Variants in TAFA1 observed in about 807,000 individuals in gnomAD.
TAFA1 encodes TAFA chemokine like family member 1.
TAFA1 carries 4 observed loss-of-function variants against 18.5 expected under a neutral mutation model. The observed-to-expected ratio is 0.22, with a 90% CI of 0.11 to 0.49. The LOEUF is 0.49. Among genes scored for constraint, TAFA1 ranks in the 20% least tolerant of loss-of-function variants. TAFA1 has a pLI of 0.98. For missense variants in TAFA1, 147 were observed against 169.0 expected (o/e 0.87, Z 0.72); for synonymous variants, 56 against 55.2 (o/e 1.01, Z -0.06).
chr3:68,446,807 A>G (rs2071479689), intron 3 of TAFA1, among the ~76,000 whole-genome samples: 1 of 152,202 alleles, frequency 6.6e-6, no homozygotes, highest in Non-Finnish European at 1.5e-5. Flanking sequence ...ACTGAAACAA[A>G]GTGTCTATGG....
intron 3 of TAFA1, among the ~76,000 whole-genome samples, chr3:68,434,335 A>G (rs2071232826): frequency 6.6e-6 from 1 of 152,106 alleles, no homozygotes; most frequent in Admixed American, 6.6e-5. Context: ...GTCTAAATAC[A>G]GCCTCTTCTA....
chr3:68,390,177 G>C (rs182650529), intron 2 of TAFA1, among the ~76,000 whole-genome samples: 1 of 152,088 alleles, frequency 6.6e-6, no homozygotes, highest in African/African-American at 2.4e-5. Context: ...GGGAAGGGGC[G>C]TCCGCCATTA....
intron 1 of TAFA1, among the ~76,000 whole-genome samples, chr3:68,005,965 A>G (rs140599220): frequency 4.6e-5 from 7 of 152,302 alleles, no homozygotes; most frequent in African/African-American, 1.7e-4. Context: ...AAAAGCTACA[A>G]TGGAATCTTA....
At chr3:68,106,098 C>A (rs1346453212) in intron 2 of TAFA1, among the ~76,000 whole-genome samples, 2 of 151,862 alleles carry the variant, frequency 1.3e-5, no homozygotes, top group African/African-American at 4.8e-5. Context: ...ACAAAAATCA[C>A]ATGGTGATAA....
chr3:68,427,372 T>C (rs2071076105), intron 3 of TAFA1, among the ~76,000 whole-genome samples: 1 of 151,872 alleles, frequency 6.6e-6, no homozygotes, highest in Non-Finnish European at 1.5e-5. Context: ...CCTGTGTTAT[T>C]AATGTGCTGT....
intron 2 of TAFA1, among the ~76,000 whole-genome samples, chr3:68,014,254 A>G (rs896178451): frequency 6.6e-6 from 1 of 152,210 alleles, no homozygotes; most frequent in African/African-American, 2.4e-5. Context: ...GTGTTCCTGA[A>G]ATTAACAGTA....
chr3:68,360,074 T>A (rs995079214), intron 2 of TAFA1, among the ~76,000 whole-genome samples: 1 of 151,988 alleles, frequency 6.6e-6, no homozygotes, highest in African/African-American at 2.4e-5. Context: ...TTTGCAGCTA[T>A]GATTGAAGTA....
At chr3:68,322,644 C>T (rs1419804596) in intron 2 of TAFA1, among the ~76,000 whole-genome samples, 1 of 152,070 alleles carries the variant, frequency 6.6e-6, no homozygotes, top group Non-Finnish European at 1.5e-5. Flanking sequence ...CTATAAGGTC[C>T]CTTAAAGATG....
chr3:68,070,816 C>A (rs1245641686), intron 2 of TAFA1, among the ~76,000 whole-genome samples: 3 of 152,218 alleles, frequency 2.0e-5, no homozygotes, highest in Non-Finnish European at 2.9e-5. Context: ...TGCCACCAGT[C>A]TCTTTGCTAA....
chr3:68,322,695 C>A lies in TAFA1; in HGVS notation c.119-94585C>A, dbSNP rs139921959. Among the ~76,000 whole-genome samples the A allele has an allele frequency of 3.9e-3, 590 of 152,264 alleles. 4 individuals are homozygous for A. Among genetic ancestry groups the A allele is most frequent in the African/African-American group, 0.013 (553 of 41,566 alleles). On this transcript the variant is annotated intron_variant, in intron 2 of 4. Transcript: ENST00000478136. ...CGGGCGCTCATGCCTGTAATCCCAG[C>A]ATTTTGGGAGGCCGAGGCAGGTGGA...
chr3:68,440,536 G>T (rs1268389038), intron 3 of TAFA1, among the ~76,000 whole-genome samples: 1 of 152,126 alleles, frequency 6.6e-6, no homozygotes. Context: ...CTGGTCACGT[G>T]GTCATAGCTG....
intron 2 of TAFA1, among the ~76,000 whole-genome samples, chr3:68,059,679 A>G (rs2064577886): frequency 1.3e-5 from 2 of 152,216 alleles, no homozygotes; most frequent in Non-Finnish European, 2.9e-5. Context: ...CCTGGGATAT[A>G]GGGAGCCAAT....
chr3:68,533,945 A>G (rs1302098660), intron 3 of TAFA1, among the ~76,000 whole-genome samples: 1 of 152,178 alleles, frequency 6.6e-6, no homozygotes, highest in African/African-American at 2.4e-5. Flanking sequence ...GCCATGTAAC[A>G]TGTCAATCAG....
At chr3:68,531,336 T>C (rs2073185876) in intron 3 of TAFA1, among the ~76,000 whole-genome samples, 1 of 151,620 alleles carries the variant, frequency 6.6e-6, no homozygotes, top group Non-Finnish European at 1.5e-5. Flanking sequence ...AAAGTTTATT[T>C]AGAAGTTTAG....
intron 3 of TAFA1, among the ~76,000 whole-genome samples, chr3:68,453,433 T>C (rs2071600739): frequency 6.6e-6 from 1 of 152,216 alleles, no homozygotes; most frequent in South Asian, 2.1e-4. Context: ...CCTCAGCAAG[T>C]CTGGAGGCTT....
chr3:68,235,785 C>T (rs138301443), intron 2 of TAFA1, among the ~76,000 whole-genome samples: 8 of 152,058 alleles, frequency 5.3e-5, no homozygotes, highest in South Asian at 2.1e-4. Flanking sequence ...TAAAACTGGC[C>T]GAGTGCAAAC....
At chr3:68,402,490 A>T (rs549277039) in intron 2 of TAFA1, among the ~76,000 whole-genome samples, 2 of 152,308 alleles carry the variant, frequency 1.3e-5, no homozygotes, top group South Asian at 2.1e-4. Flanking sequence ...AATACTATTA[A>T]ATTGTCATCA....
At chr3:68,006,852 C>T (rs1307145541) in intron 2 of TAFA1, 108 bp downstream of exon 2, 1 of 785,610 alleles carries the variant, frequency 1.3e-6, no homozygotes, top group Non-Finnish European at 2.2e-6. Context: ...GGCAGCTTGC[C>T]TTTGAATTCC....
intron 2 of TAFA1, among the ~76,000 whole-genome samples, chr3:68,130,407 C>T (rs1273396469): frequency 2.0e-5 from 3 of 152,066 alleles, no homozygotes; most frequent in Non-Finnish European, 2.9e-5. Flanking sequence ...CATTTATTTC[C>T]ATTTTTGCTG....
Sources: gnomAD v4.1 joint callset for allele counts (sites outside exome capture counted in the v4.1 genomes callset) on GRCh38, gnomAD v4.1.1 for gene constraint, MANE v1.5 for transcripts, NCBI Gene and HGNC (gene_info 2026-07-23, HGNC 2026-07-21) for gene names.